SCN2A: variants seen among roughly 807,000 people sequenced by gnomAD.
SCN2A encodes sodium channel protein type 2 subunit alpha.
SCN2A carries 20 observed loss-of-function variants against 188.7 expected under a neutral mutation model. The observed-to-expected ratio is 0.11, with a 90% CI of 0.07 to 0.15. The LOEUF (loss-of-function observed/expected upper bound fraction) is 0.15, where lower values mean the gene tolerates loss of function less well. Ranked by LOEUF, SCN2A falls within the 10% of genes least tolerant of loss-of-function variation. The pLI, the probability that SCN2A is intolerant of heterozygous loss-of-function variation, is 1.00. For synonymous variants in SCN2A, 804 were observed against 833.1 expected, an observed-to-expected ratio of 0.97 and a Z score of 0.60; for missense variants, 1,278 against 2,445.0, an observed-to-expected ratio of 0.52 and a Z score of 10.07.
chr2:165,292,979 TC>T (rs1480568902), intron 1 of SCN2A, among the ~76,000 whole-genome samples: 1 of 152,218 alleles, frequency 6.6e-6, no homozygotes, highest in Non-Finnish European at 1.5e-5. Flanking sequence ...CACTGGTTTA[TC>T]AGTTCTTTTT....
At chr2:165,284,035 CT>C (rs1456810954) in intron 1 of SCN2A, among the ~76,000 whole-genome samples, 2 of 152,032 alleles carry the variant, frequency 1.3e-5, no homozygotes, top group Non-Finnish European at 2.9e-5. Context: ...TCCTTCACTC[CT>C]CTCTAGTTCT....
intron 1 of SCN2A, among the ~76,000 whole-genome samples, chr2:165,245,720 C>T (rs889972478): frequency 1.3e-5 from 2 of 152,168 alleles, no homozygotes; most frequent in Non-Finnish European, 2.9e-5. Context: ...TTAATAATTT[C>T]TCCACAACGA....
At chr2:165,381,658 T>G (rs972508376) in intron 25 of SCN2A, among the ~76,000 whole-genome samples, 4 of 151,978 alleles carry the variant, frequency 2.6e-5, no homozygotes, top group Non-Finnish European at 5.9e-5. Context: ...CAGGTTTTGC[T>G]TTTTTCTGGT....
At chr2:165,291,026 C>CG in intron 1 of SCN2A, among the ~76,000 whole-genome samples, 1 of 89,416 alleles carries the variant, frequency 1.1e-5, no homozygotes, top group East Asian at 2.9e-4. Flanking sequence ...TTTTTCTTTT[C>CG]TTTTCTTTCT....
chr2:165,369,774 A>G (rs1412936508), intron 19 of SCN2A, among the ~76,000 whole-genome samples: 1 of 152,102 alleles, frequency 6.6e-6, no homozygotes, highest in Non-Finnish European at 1.5e-5. Flanking sequence ...TATCTGCATT[A>G]CTAGAGGATG....
intron 4 of SCN2A, among the ~76,000 whole-genome samples, chr2:165,308,433 A>G (rs926581871): frequency 1.3e-5 from 2 of 152,086 alleles, no homozygotes; most frequent in Non-Finnish European, 2.9e-5. Flanking sequence ...CATTATTTGG[A>G]TCCTTTAAAT....
Position 165,316,342 on chromosome 2 carries a change from G to C in SCN2A, c.1671+584G>C, listed in dbSNP as rs946229329. On this transcript the variant is annotated intron_variant, in intron 11 of 26. Transcript: ENST00000375437. ...TTGTACTTGATTATCTGTGTTTCAT[G>C]TTAAACATGGGACTTGCATTTGAAG... 2.0e-5 allele frequency among the ~76,000 whole-genome samples: 3 copies of C among 151,976 alleles called. No homozygotes were observed. In the South Asian group the frequency reaches 6.2e-4, roughly 31 times the overall value.
intron 3 of SCN2A, among the ~76,000 whole-genome samples, chr2:165,301,606 A>T (rs535248971): frequency 6.6e-6 from 1 of 152,226 alleles, no homozygotes; most frequent in Non-Finnish European, 1.5e-5. Flanking sequence ...AAAATGTATG[A>T]CAAGTATCTA....
intron 1 of SCN2A, among the ~76,000 whole-genome samples, chr2:165,262,186 A>G (rs201092876): frequency 1.6e-5 from 1 of 61,300 alleles, no homozygotes; most frequent in Non-Finnish European, 3.2e-5. Flanking sequence ...ACAGGTAAAC[A>G]TGTGTGATGA....
At chr2:165,305,226 C>A (rs73023758) in intron 3 of SCN2A, among the ~76,000 whole-genome samples, 3,033 of 152,028 alleles carry the variant, frequency 0.02, 84 homozygotes, top group African/African-American at 0.063. Flanking sequence ...GACACAGAGA[C>A]GTCAAAGGAG....
intron 10 of SCN2A, among the ~76,000 whole-genome samples, chr2:165,314,574 C>A (rs1484627378): frequency 7.2e-5 from 11 of 152,148 alleles, no homozygotes. Context: ...AAGGCTTATT[C>A]AATATTTGTT....
intron 10 of SCN2A, 134 bp downstream of exon 10, chr2:165,314,242 G>T (rs376492566): frequency 4.1e-5 from 35 of 857,992 alleles, no homozygotes; most frequent in African/African-American, 1.7e-4. Context: ...AGCCTGTTTG[G>T]TTATTAAGAA....
intron 14 of SCN2A, among the ~76,000 whole-genome samples, chr2:165,340,244 A>G (rs1699239084): frequency 6.6e-6 from 1 of 152,230 alleles, no homozygotes; most frequent in African/African-American, 2.4e-5. Context: ...TTATTGGAAA[A>G]CAGACAAAAA....
At chr2:165,384,913 G>A (rs1336582911) in intron 25 of SCN2A, among the ~76,000 whole-genome samples, 1 of 152,024 alleles carries the variant, frequency 6.6e-6, no homozygotes, top group Non-Finnish European at 1.5e-5. Context: ...AATATCAGAG[G>A]GTGGAAGTAA....
intron 17 of SCN2A, 131 bp downstream of exon 17, chr2:165,354,802 C>A: frequency 2.2e-6 from 2 of 907,368 alleles, no homozygotes; most frequent in Non-Finnish European, 1.6e-6. Flanking sequence ...AATATATTTT[C>A]CATGGAAAAG....
At chr2:165,380,751 C>T (rs1237907868) in intron 24 of SCN2A, 22 bp downstream of exon 24, 1 of 1,537,832 alleles carries the variant, frequency 6.5e-7, no homozygotes, top group South Asian at 1.1e-5. Context: ...AAAACTTCAT[C>T]CTTGCTCTGA....
At chr2:165,320,980 T>G (rs1024061989) in intron 11 of SCN2A, among the ~76,000 whole-genome samples, 18 of 152,238 alleles carry the variant, frequency 1.2e-4, no homozygotes, top group African/African-American at 4.1e-4. Context: ...TTTTCTTTTC[T>G]GTCACATTGT....
intron 22 of SCN2A, among the ~76,000 whole-genome samples, chr2:165,376,911 T>C (rs1247015041): frequency 1.3e-5 from 2 of 148,952 alleles, no homozygotes; most frequent in Non-Finnish European, 3.0e-5. Context: ...ACTTACACGA[T>C]CCTCAAGACT....
chr2:165,242,300 A>T (rs956987159), intron 1 of SCN2A, among the ~76,000 whole-genome samples: 1 of 152,164 alleles, frequency 6.6e-6, no homozygotes, highest in African/African-American at 2.4e-5. Context: ...TAATCTTAAG[A>T]TTAGGAGAGT....
Sources: gnomAD v4.1 joint callset for allele counts (sites outside exome capture counted in the v4.1 genomes callset) on GRCh38, gnomAD v4.1.1 for gene constraint, MANE v1.5 for transcripts, NCBI Gene and HGNC (gene_info 2026-07-23, HGNC 2026-07-21) for gene names.